PLXDC2: variants seen among roughly 807,000 people sequenced by gnomAD.
PLXDC2 encodes the protein plexin domain containing 2.
Under a neutral mutation model 68.9 loss-of-function variants are expected in PLXDC2, and 40 were observed. The observed-to-expected ratio is 0.58, with a 90% CI of 0.45 to 0.76. The LOEUF (loss-of-function observed/expected upper bound fraction) is 0.76, where lower values mean the gene tolerates loss of function less well. Among genes scored for constraint, PLXDC2 ranks in the 30% least tolerant of loss-of-function variants. The probability of loss-of-function intolerance (pLI) is 0.00; values close to 1 mark genes in which losing one functional copy is unlikely to be tolerated. For missense variants in PLXDC2, 644 were observed against 661.9 expected, an observed-to-expected ratio of 0.97 and a Z score of 0.30; for synonymous variants, 243 against 234.2, an observed-to-expected ratio of 1.04 and a Z score of -0.34.
chr10:20,044,225 CTTTCTT>C (rs1835747398), intron 2 of PLXDC2, among the ~76,000 whole-genome samples: 1 of 47,318 alleles, frequency 2.1e-5, no homozygotes, highest in South Asian at 6.9e-4. Flanking sequence ...TTCTTTCTTT[CTTTCTT>C]TCTTTCTTTC....
intron 2 of PLXDC2, among the ~76,000 whole-genome samples, chr10:20,046,151 A>G (rs1835793860): frequency 6.6e-6 from 1 of 152,158 alleles, no homozygotes; most frequent in Admixed American, 6.6e-5. Flanking sequence ...TGTTATTACT[A>G]ATTGTAATTA....
chr10:20,166,640 A>G (rs922783857), intron 7 of PLXDC2, among the ~76,000 whole-genome samples: 5 of 152,232 alleles, frequency 3.3e-5, no homozygotes, highest in African/African-American at 9.6e-5. Context: ...TGCTGAAAAA[A>G]ATTATTTGCG....
intron 4 of PLXDC2, among the ~76,000 whole-genome samples, chr10:20,098,033 G>A (rs529890967): frequency 7.9e-5 from 12 of 151,034 alleles, no homozygotes; most frequent in East Asian, 5.8e-4. Flanking sequence ...ACTATATGGC[G>A]GATATAAAAT....
At chr10:20,019,863 T>C (rs564532431) in intron 2 of PLXDC2, among the ~76,000 whole-genome samples, 20 of 152,212 alleles carry the variant, frequency 1.3e-4, no homozygotes, top group African/African-American at 3.9e-4. Flanking sequence ...TAAGACTATA[T>C]ATGTGGAAAA....
At chr10:20,051,107 C>T (rs1015483416) in intron 3 of PLXDC2, among the ~76,000 whole-genome samples, 1 of 151,838 alleles carries the variant, frequency 6.6e-6, no homozygotes, top group African/African-American at 2.4e-5. Flanking sequence ...GAACTGGAGG[C>T]CATTATCCTT....
chr10:19,933,889 A>G (rs942660144), intron 1 of PLXDC2, among the ~76,000 whole-genome samples: 1 of 151,574 alleles, frequency 6.6e-6, no homozygotes, highest in Non-Finnish European at 1.5e-5. Context: ...GGAAAAAAGG[A>G]AGGAAAGAGA....
intron 1 of PLXDC2, among the ~76,000 whole-genome samples, chr10:19,929,117 G>T (rs1027066368): frequency 1.3e-5 from 2 of 151,716 alleles, no homozygotes; most frequent in South Asian, 4.2e-4. Context: ...GTTGGCTCAC[G>T]CCTCTAATCC....
At chr10:20,003,656 TC>T (rs1168783673) in intron 2 of PLXDC2, among the ~76,000 whole-genome samples, 2 of 152,158 alleles carry the variant, frequency 1.3e-5, no homozygotes, top group Non-Finnish European at 2.9e-5. Context: ...GGTCTTGAAC[TC>T]CTGACCTCAA....
At chr10:19,838,259 G>A (rs954208151) in intron 1 of PLXDC2, among the ~76,000 whole-genome samples, 18 of 151,998 alleles carry the variant, frequency 1.2e-4, no homozygotes, top group Admixed American at 6.6e-4. Context: ...CACCATGCCC[G>A]GCTAATATAT....
chr10:20,247,565 C>G (rs1056430034), intron 13 of PLXDC2, among the ~76,000 whole-genome samples: 1 of 152,154 alleles, frequency 6.6e-6, no homozygotes, highest in Non-Finnish European at 1.5e-5. Context: ...ATAAGCTTCT[C>G]TAGACCATCT....
chr10:20,008,303 C>G (rs1835059462), intron 2 of PLXDC2, among the ~76,000 whole-genome samples: 1 of 152,126 alleles, frequency 6.6e-6, no homozygotes, highest in Non-Finnish European at 1.5e-5. Flanking sequence ...GCCTGTAATC[C>G]CAGCACTTTG....
chr10:20,169,000 AT>A (rs1834411359), intron 7 of PLXDC2, among the ~76,000 whole-genome samples: 2 of 152,238 alleles, frequency 1.3e-5, no homozygotes, highest in East Asian at 1.9e-4. Context: ...TATAAAACAT[AT>A]TTTTTACACT....
At chr10:20,090,069 T>G (rs1833256657) in intron 4 of PLXDC2, among the ~76,000 whole-genome samples, 1 of 152,164 alleles carries the variant, frequency 6.6e-6, no homozygotes. Flanking sequence ...TCACCACAAA[T>G]GAAGCTGAAT....
At chr10:20,237,548 A>C (rs1485253305) in intron 12 of PLXDC2, among the ~76,000 whole-genome samples, 1 of 152,226 alleles carries the variant, frequency 6.6e-6, no homozygotes, top group Non-Finnish European at 1.5e-5. Context: ...TACAAAGGGA[A>C]GTACAATTTA....
At chr10:20,164,722 G>A (rs980431518) in intron 7 of PLXDC2, among the ~76,000 whole-genome samples, 155 bp downstream of exon 7, 1 of 152,086 alleles carries the variant, frequency 6.6e-6, no homozygotes, top group Non-Finnish European at 1.5e-5. Flanking sequence ...TTATAACTCC[G>A]ATTGGGCTAT....
At chr10:20,059,495 T>G (rs376438600) in intron 3 of PLXDC2, among the ~76,000 whole-genome samples, 2 of 152,316 alleles carry the variant, frequency 1.3e-5, no homozygotes, top group East Asian at 3.9e-4. Context: ...TTTATGAATA[T>G]TCCCTTGAAG....
chr10:19,995,337 G>A lies in PLXDC2; in HGVS notation c.113-6438G>A, dbSNP rs1834825982. Among the ~76,000 whole-genome samples, 3 of 152,122 alleles carry A rather than the reference G, an allele frequency of 2.0e-5. No individual in the cohort carries two copies. In the South Asian group the frequency reaches 6.2e-4, roughly 32 times the overall value. ...GGAAACCAGGGCCAAAATTCCAAGAGTCCTTTCCACACACGGTATGCATTT... is the reference window on the plus strand; with the variant it reads ...GGAAACCAGGGCCAAAATTCCAAGAATCCTTTCCACACACGGTATGCATTT... On this transcript the variant is annotated intron_variant, in intron 1 of 13. Transcript: ENST00000377252.
At chr10:20,134,760 C>G (rs549395684) in intron 4 of PLXDC2, among the ~76,000 whole-genome samples, 2 of 152,232 alleles carry the variant, frequency 1.3e-5, no homozygotes, top group African/African-American at 4.8e-5. Context: ...TGGGGGCCAG[C>G]CTGTAACCTA....
intron 2 of PLXDC2, among the ~76,000 whole-genome samples, chr10:20,006,455 G>T (rs896234137): frequency 6.6e-6 from 1 of 152,100 alleles, no homozygotes; most frequent in South Asian, 2.1e-4. Context: ...AGCCCTGACT[G>T]CAGTAGTGGC....
Sources: gnomAD v4.1 joint callset for allele counts (sites outside exome capture counted in the v4.1 genomes callset) on GRCh38, gnomAD v4.1.1 for gene constraint, MANE v1.5 for transcripts, NCBI Gene and HGNC (gene_info 2026-07-23, HGNC 2026-07-21) for gene names.